The following ZNF808 variants were observed in gnomAD, a reference collection of about 807,000 sequenced individuals.
ZNF808 encodes the protein zinc finger protein 808.
ZNF808 carries 5 observed loss-of-function variants against 8.7 expected under a neutral mutation model. The ratio of observed to expected loss-of-function variants is 0.58; its 90% confidence interval spans 0.30 to 1.21. The LOEUF is 1.21. Among genes scored for constraint, ZNF808 ranks in the 50% most tolerant of loss-of-function variants. ZNF808 has a pLI of 0.07. For synonymous variants in ZNF808, 380 were observed against 366.0 expected (o/e 1.04, Z -0.44); for missense variants, 1,103 against 1,098.4 (o/e 1.00, Z -0.06).
chr19:52,568,078 A>G (rs1031290834), downstream of ZNF808, among the ~76,000 whole-genome samples: 3 of 152,154 alleles, frequency 2.0e-5, no homozygotes, highest in East Asian at 3.9e-4. Flanking sequence ...CGCAACTTCT[A>G]CAAGTTTTCC....
chr19:52,555,214 C>T lies in ZNF808; in HGVS notation c.2298C>T (p.Asn766=), dbSNP rs370493193. ...GTGGTGAGAAACCTTACAAGTGTAA[C>T]GACTGTGGCAATACCTTCCGTCACT... is the stretch of plus-strand genomic sequence containing the variant. ...LHSGEKPYKC[N]DCGNTFRHWS... Residue 766 remains asparagine (N), a synonymous_variant, in exon 5 of 5, where the codon AAC becomes AAT. Coordinates refer to ENST00000359798, the MANE Select transcript of ZNF808 (RefSeq NM_001039886.4). 2.3e-4 allele frequency: 369 copies of T among 1,613,122 alleles called. No individual in the cohort carries two copies. The highest frequency in any genetic ancestry group is 9.6e-4 in the South Asian group (87 of 91,014).
At chr19:52,543,789 G>T (rs553326643) in intron 3 of ZNF808, among the ~76,000 whole-genome samples, 1 of 152,070 alleles carries the variant, frequency 6.6e-6, no homozygotes, top group African/African-American at 2.4e-5. Flanking sequence ...TTTTGTATCT[G>T]ATTTGGTAAT....
chr19:52,529,089 A>G (rs1055364924), intron 1 of ZNF808, among the ~76,000 whole-genome samples: 1 of 151,912 alleles, frequency 6.6e-6, no homozygotes. Context: ...TAATGAAGAA[A>G]GGGGGGCTAG....
chr19:52,531,066 T>C (rs920401543), intron 1 of ZNF808, among the ~76,000 whole-genome samples: 1 of 152,178 alleles, frequency 6.6e-6, no homozygotes, highest in Non-Finnish European at 1.5e-5. Flanking sequence ...GGAGAATCTC[T>C]TTAGGCAGGA....
intron 3 of ZNF808, among the ~76,000 whole-genome samples, chr19:52,561,558 T>G (rs2059858308): frequency 6.6e-6 from 1 of 151,934 alleles, no homozygotes; most frequent in Non-Finnish European, 1.5e-5. Context: ...GATTTTTTTT[T>G]TTTTTTGAGA....
In ZNF808 at chr19:52,554,121, A is replaced by G; in HGVS notation, c.1205A>G (p.Asn402Ser). The G allele has an allele frequency of 6.2e-7, 1 of 1,614,198 alleles. No homozygotes were observed. The highest frequency in any genetic ancestry group is 8.5e-7 in the Non-Finnish European group (1 of 1,180,030). The change falls in exon 5 of 5, where the codon AAT becomes AGT. Residue 402 changes from asparagine to serine, a missense_variant. Physicochemically the swap from Asn to Ser is conservative, Grantham distance 46 (BLOSUM62 1). Transcript: ENST00000359798. ...AGTGGAGAGAAAACATACAAGTGTA[A>G]TGAGTGTGGTAAGGCTTTTAATCAT... ...IHSGEKTYKC[N>S]ECGKAFNHQS...
intron 1 of ZNF808, chr19:52,527,947 G>A (rs1177751925): frequency 6.6e-6 from 1 of 152,330 alleles, no homozygotes; most frequent in East Asian, 1.9e-4. Context: ...ACTTTCTATT[G>A]CGTAGTTTTT....
intron 3 of ZNF808, among the ~76,000 whole-genome samples, chr19:52,543,872 T>C (rs2059696433): frequency 6.6e-6 from 1 of 151,380 alleles, no homozygotes; most frequent in Admixed American, 6.6e-5. Flanking sequence ...AGAGACAAGA[T>C]GTTGGTCCCA....
rs1371867974 is a variant in ZNF808, at chr19:52,554,093, C to G, written c.1177C>G (p.His393Asp). The G allele has an allele frequency of 6.2e-7, 1 of 1,613,940 alleles. No individual in the cohort carries two copies. Among genetic ancestry groups the G allele is most frequent in the African/African-American group, 1.3e-5 (1 of 74,902 alleles). Residue 393 changes from histidine to aspartate, a missense_variant, in exon 5 of 5, where the codon CAT becomes GAT. Physicochemically the swap from His to Asp is moderately conservative, Grantham distance 81 (BLOSUM62 -1). Coordinates refer to ENST00000359798, the MANE Select transcript of ZNF808 (RefSeq NM_001039886.4). ...HSYLANHTRI[H>D]SGEKTYKCNE... ...CTATCTGGCAAACCATACTAGAATT[C>G]ATAGTGGAGAGAAAACATACAAGTG...
chr19:52,536,574 A>G (rs1216861643), intron 2 of ZNF808, among the ~76,000 whole-genome samples: 2 of 152,094 alleles, frequency 1.3e-5, no homozygotes, highest in African/African-American at 4.8e-5. Flanking sequence ...CCCCTGAACC[A>G]GCGTAGGGCA....
intron 3 of ZNF808, among the ~76,000 whole-genome samples, chr19:52,545,489 G>A (rs2059711927): frequency 6.6e-6 from 1 of 152,118 alleles, no homozygotes; most frequent in South Asian, 2.1e-4. Context: ...TGAGTTAATG[G>A]TAAGATGGGG....
chr19:52,550,881 G>A (rs893071147), intron 4 of ZNF808, among the ~76,000 whole-genome samples: 7 of 152,114 alleles, frequency 4.6e-5, no homozygotes, highest in African/African-American at 1.7e-4. Context: ...TGTTGATGAT[G>A]AGATGCCCCT....
chr19:52,548,791 T>C (rs2059747572), intron 4 of ZNF808, among the ~76,000 whole-genome samples: 1 of 152,054 alleles, frequency 6.6e-6, no homozygotes, highest in Non-Finnish European at 1.5e-5. Context: ...TCCTCACATA[T>C]TTATCTGTCG....
rs868229788 is a variant in ZNF808, at chr19:52,554,491, C to T, written c.1575C>T (p.Ser525=). The change falls in exon 5 of 5, where the codon TCC becomes TCT. Residue 525 remains serine, a synonymous_variant. Coordinates refer to ENST00000359798, the MANE Select transcript of ZNF808 (RefSeq NM_001039886.4). ...GCAATACCTTCCGTCACCGGGCATC[C>T]CTTGTATACCATCGTAGACTTCACA... is the stretch of plus-strand genomic sequence containing the variant. ...QCGNTFRHRA[S]LVYHRRLHTL... is the part of the protein sequence containing the mutation. 6 of 1,614,026 alleles carry T rather than the reference C, an allele frequency of 3.7e-6. No individual in the cohort carries two copies. In the African/African-American group the frequency reaches 6.7e-5, roughly 18 times the overall value.
At chr19:52,545,396 C>A (rs1400900656) in intron 3 of ZNF808, among the ~76,000 whole-genome samples, 1 of 152,144 alleles carries the variant, frequency 6.6e-6, no homozygotes, top group Non-Finnish European at 1.5e-5. Context: ...ATGTAGAAAA[C>A]ACAACATTTG....
rs1208682820 is a variant in ZNF808, at chr19:52,554,637, A to C, written c.1721A>C (p.Lys574Thr). 5.0e-6 allele frequency: 8 copies of C among 1,613,868 alleles called. No individual in the cohort carries two copies. The South Asian group carries it at 8.8e-5, about 18-fold the overall frequency. The change falls in exon 5 of 5, where the codon AAA (lysine) becomes ACA (threonine). Residue 574 changes from lysine (K) to threonine (T), a missense_variant. Lys to Thr is a moderately conservative substitution (Grantham distance 78). Coordinates refer to ENST00000359798, the MANE Select transcript of ZNF808 (RefSeq NM_001039886.4). ...KKPYKCNECG[K>T]AFNQQSHLSR... ...CCTTACAAGTGTAATGAATGTGGGA[A>C]AGCTTTTAATCAACAATCACATCTT...
chr19:52,528,687 G>A (rs962353683), intron 1 of ZNF808, among the ~76,000 whole-genome samples: 1 of 152,044 alleles, frequency 6.6e-6, no homozygotes, highest in African/African-American at 2.4e-5. Flanking sequence ...AGTGGTGCTG[G>A]TGTCAAGGAG....
chr19:52,549,715 C>T (rs186229115), intron 4 of ZNF808, among the ~76,000 whole-genome samples: 2 of 152,084 alleles, frequency 1.3e-5, no homozygotes, highest in African/African-American at 4.8e-5. Flanking sequence ...CCCTTCCTTT[C>T]CTGGCCTTGA....
intron 4 of ZNF808, among the ~76,000 whole-genome samples, chr19:52,548,583 C>T (rs2059745461): frequency 6.6e-6 from 1 of 152,078 alleles, no homozygotes; most frequent in Non-Finnish European, 1.5e-5. Flanking sequence ...TCACCACACC[C>T]GGGTAATTTT....
Sources: gnomAD v4.1 joint callset for allele counts (sites outside exome capture counted in the v4.1 genomes callset) on GRCh38, gnomAD v4.1.1 for gene constraint, MANE v1.5 for transcripts, NCBI Gene and HGNC (gene_info 2026-07-23, HGNC 2026-07-21) for gene names.